IP6K1: variants seen among roughly 807,000 people sequenced by gnomAD.
IP6K1 encodes the protein ATP:1D-myo-inositol-hexakisphosphate phosphotransferase.
Under a neutral mutation model 38.3 loss-of-function variants are expected in IP6K1, and 13 were observed. That is an observed-to-expected ratio of 0.34 (90% CI 0.22 to 0.54). The LOEUF is 0.54. Ranked by LOEUF, IP6K1 falls within the 20% of genes least tolerant of loss-of-function variation. IP6K1 has a pLI of 0.92. For missense variants in IP6K1, 397 were observed against 599.8 expected (o/e 0.66, Z 3.53); for synonymous variants, 212 against 229.9 (o/e 0.92, Z 0.70).
chr3:49,766,669 A>G (rs1240692660), intron 1 of IP6K1, among the ~76,000 whole-genome samples: 1 of 150,342 alleles, frequency 6.7e-6, no homozygotes, highest in Admixed American at 6.6e-5. Flanking sequence ...ATCTTAAAAA[A>G]AAAAAAGAAA....
chr3:49,736,871 A>G lies in IP6K1; in HGVS notation c.434+1341T>C, dbSNP rs140375299. ...ACTACAAGCTCCGCCTCCTGGGTTC[A>G]CGCCATTCTCCTGCCTTAGCCTCCC... is the stretch of plus-strand genomic sequence containing the variant. On this transcript the variant is annotated intron_variant, in intron 3 of 5. Coordinates refer to ENST00000321599, the MANE Select transcript of IP6K1 (RefSeq NM_153273.4). Among the ~76,000 whole-genome samples, 556 of 149,206 alleles carry G rather than the reference A, an allele frequency of 3.7e-3. 4 individuals are homozygous for G. Among genetic ancestry groups the G allele is most frequent in the African/African-American group, 0.013 (532 of 40,312 alleles).
rs186558791 is a variant in IP6K1 at position 49,763,532 on chromosome 3, A to T, written c.-128-15364T>A. Among the ~76,000 whole-genome samples, 1,387 of 152,338 alleles carry T rather than the reference A, an allele frequency of 9.1e-3. 18 individuals are homozygous for T. Among genetic ancestry groups the T allele is most frequent in the African/African-American group, 0.032 (1,331 of 41,586 alleles). ...ATCTTCAAAAATTTTTAGCAAAACA[A>T]TTCCAATGATATATAGAAAGAATCC... On this transcript the variant is annotated intron_variant, in intron 1 of 5. Transcript: ENST00000321599.
intron 2 of IP6K1, among the ~76,000 whole-genome samples, chr3:49,742,838 T>A (rs193056050): frequency 2.0e-5 from 3 of 148,762 alleles, no homozygotes; most frequent in Non-Finnish European, 4.5e-5. Context: ...CTGTGGTGAG[T>A]TGAGATCGTG....
intron 1 of IP6K1, among the ~76,000 whole-genome samples, chr3:49,782,887 A>C (rs2081078646): frequency 6.8e-6 from 1 of 146,348 alleles, no homozygotes; most frequent in Non-Finnish European, 1.5e-5. Context: ...AGGTGGGTGG[A>C]TCACTTGAGG....
chr3:49,783,632 G>A (rs2108267657), intron 1 of IP6K1, among the ~76,000 whole-genome samples: 1 of 150,702 alleles, frequency 6.6e-6, no homozygotes, highest in African/African-American at 2.4e-5. Flanking sequence ...AGAATGGCGT[G>A]AACCCAGGAG....
rs2080524231 is a variant in IP6K1, at chr3:49,727,991, G to A, written c.792+112C>T. 8.1e-6 allele frequency: 9 copies of A among 1,104,482 alleles called. No individual in the cohort carries two copies. In the South Asian group the frequency reaches 9.9e-5, roughly 12 times the overall value. The allele number at this position is 1,104,482 out of a possible 1,614,324, so 68.4% of individuals were successfully genotyped here. On this transcript the variant is annotated intron_variant, in intron 5 of 5. Transcript: ENST00000321599. The surrounding 1 kb of genome is among the most constrained non-coding windows in gnomAD (Gnocchi z 5.9). The stretch of plus-strand genomic sequence containing the variant: ...CTGAGGCCCATATCAAAGTCAACAG[G>A]TAAGGACAGAGGGGCTCAGGAGGAC...
At position 49,727,463 on chromosome 3, in the gene IP6K1, G is replaced by A. The variant is rs1559700395; in HGVS notation, c.985C>T (p.Arg329Cys). The A allele has an allele frequency of 1.2e-6, 2 of 1,614,124 alleles. No individual in the cohort carries two copies. Among genetic ancestry groups the A allele is most frequent in the African/African-American group, 2.7e-5 (2 of 75,038 alleles). The change falls in exon 6 of 6, where the codon CGC becomes TGC. Residue 329 changes from arginine (R) to cysteine (C), a missense_variant. Arg to Cys is a radical substitution (Grantham distance 180). This residue lies in a region of IP6K1 where 164 missense variants were observed against 213.5 expected (regional missense o/e 0.77). Coordinates refer to ENST00000321599, the MANE Select transcript of IP6K1 (RefSeq NM_153273.4). This position sits in a 1 kb window ranked among gnomAD's most constrained non-coding sequence, Gnocchi z 5.9. ...KAVLERQASY[R>C]FYSSSLLVIY... is the part of the protein sequence containing the mutation. The stretch of plus-strand genomic sequence containing the variant: ...ACAAGCAGGGAACTGGAGTAGAAGC[G>A]GTAAGAGGCCTGCCGCTCCAGCACA...
chr3:49,732,630 A>T (rs1413445641), intron 4 of IP6K1, among the ~76,000 whole-genome samples, 161 bp downstream of exon 4: 1 of 152,224 alleles, frequency 6.6e-6, no homozygotes, highest in Non-Finnish European at 1.5e-5. Context: ...CAGGAAAAAA[A>T]CATGTTGATG....
intron 1 of IP6K1, among the ~76,000 whole-genome samples, chr3:49,776,144 G>C (rs1224973782): frequency 6.6e-6 from 1 of 151,760 alleles, no homozygotes; most frequent in African/African-American, 2.4e-5. Context: ...CCTTTCTGTT[G>C]CTATTACATT....
At chr3:49,731,525 C>A (rs1235417851) in intron 4 of IP6K1, among the ~76,000 whole-genome samples, 1 of 152,162 alleles carries the variant, frequency 6.6e-6, no homozygotes, top group Non-Finnish European at 1.5e-5. Context: ...CCTGCCTTGA[C>A]CACTCACTAC....
chr3:49,757,504 G>A (rs1297127944), intron 1 of IP6K1, among the ~76,000 whole-genome samples: 1 of 150,744 alleles, frequency 6.6e-6, no homozygotes, highest in Non-Finnish European at 1.5e-5. Flanking sequence ...TGTGTGGATC[G>A]CCTGAGCTCA....
intron 1 of IP6K1, among the ~76,000 whole-genome samples, chr3:49,763,973 G>T (rs1212317561): frequency 6.6e-6 from 1 of 152,154 alleles, no homozygotes; most frequent in Non-Finnish European, 1.5e-5. Context: ...AGTGAGTCAA[G>T]ATCACGCCAC....
intron 1 of IP6K1, among the ~76,000 whole-genome samples, chr3:49,750,480 A>C (rs2080763278): frequency 6.6e-6 from 1 of 152,092 alleles, no homozygotes; most frequent in Non-Finnish European, 1.5e-5. Context: ...GGATCACCTG[A>C]GGTCAGGAGT....
intron 1 of IP6K1, among the ~76,000 whole-genome samples, chr3:49,780,175 C>CA (rs2081052331): frequency 1.3e-5 from 2 of 152,048 alleles, no homozygotes; most frequent in Non-Finnish European, 2.9e-5. Flanking sequence ...TCTAGGCACT[C>CA]AACAAAACAA....
intron 1 of IP6K1, among the ~76,000 whole-genome samples, chr3:49,774,703 TAAAGTCTAGAAC>T (rs2080991380): frequency 6.6e-6 from 1 of 152,184 alleles, no homozygotes; most frequent in South Asian, 2.1e-4. Flanking sequence ...TCCCAGACAT[TAAAGTCTAGAAC>T]ACTTAGCTAG....
At chr3:49,746,996 T>A (rs913744825) in intron 2 of IP6K1, among the ~76,000 whole-genome samples, 3 of 152,230 alleles carry the variant, frequency 2.0e-5, no homozygotes, top group Non-Finnish European at 2.9e-5. Flanking sequence ...ATTGTGAATG[T>A]GTTAATGCCA....
intron 1 of IP6K1, among the ~76,000 whole-genome samples, chr3:49,765,414 G>A (rs2080902515): frequency 6.6e-6 from 1 of 151,012 alleles, no homozygotes; most frequent in South Asian, 2.1e-4. Flanking sequence ...GGCCGCGGCA[G>A]GCAGATCATG....
intron 1 of IP6K1, among the ~76,000 whole-genome samples, chr3:49,769,552 A>C (rs1191412836): frequency 6.6e-6 from 1 of 152,208 alleles, no homozygotes; most frequent in East Asian, 1.9e-4. Context: ...ACCAATGGGG[A>C]GAGAAAATTT....
chr3:49,782,947 T>TAAA (rs751486214), intron 1 of IP6K1, among the ~76,000 whole-genome samples: 1 of 60,140 alleles, frequency 1.7e-5, no homozygotes, highest in Non-Finnish European at 3.4e-5. Flanking sequence ...CCGGCTCTAC[T>TAAA]AAAAAAAAAA....
Sources: gnomAD v4.1 joint callset for allele counts (sites outside exome capture counted in the v4.1 genomes callset) on GRCh38, gnomAD v4.1.1 for gene constraint, gnomAD v4.1.1 regional missense constraint, Gnocchi (gnomAD v3.1) non-coding constraint, MANE v1.5 for transcripts, NCBI Gene and HGNC (gene_info 2026-07-23, HGNC 2026-07-21) for gene names.